Variants in CCDC73 observed in about 807,000 individuals in gnomAD.
CCDC73 encodes coiled-coil domain containing 73, also known as coiled-coil domain-containing protein 73.
In CCDC73, 95 loss-of-function variants were observed where a neutral mutation model predicts 116.5. The ratio of observed to expected loss-of-function variants is 0.82; its 90% CI spans 0.69 to 0.97. CCDC73 has a LOEUF of 0.97. CCDC73 is among the 50% of genes least tolerant of loss of function. The probability of loss-of-function intolerance (pLI) is 0.00; values close to 1 mark genes in which losing one functional copy is unlikely to be tolerated. For synonymous variants in CCDC73, 398 were observed against 401.3 expected (o/e 0.99, Z 0.10); for missense variants, 1,066 against 1,206.8 (o/e 0.88, Z 1.73).
intron 2 of CCDC73, among the ~76,000 whole-genome samples, chr11:32,732,133 G>A (rs1850084430): frequency 6.6e-6 from 1 of 152,224 alleles, no homozygotes; most frequent in African/African-American, 2.4e-5. Flanking sequence ...GCAAGCTTCA[G>A]TAGCTGATTC....
At chr11:32,603,638 C>T (rs1414585429) in intron 17 of CCDC73, 1 of 152,128 alleles carries the variant, frequency 6.6e-6, no homozygotes, top group Non-Finnish European at 1.5e-5. Flanking sequence ...CTGCAAAATA[C>T]TCCCTTTTAT....
intron 1 of CCDC73, among the ~76,000 whole-genome samples, chr11:32,763,782 G>C (rs1850414480): frequency 6.6e-6 from 1 of 152,262 alleles, no homozygotes. Flanking sequence ...TTGACGATTT[G>C]AGAGAAGAAG....
At chr11:32,697,481 C>CTT (rs771837421) in intron 6 of CCDC73, among the ~76,000 whole-genome samples, 11,564 of 108,746 alleles carry the variant, frequency 0.11, 1,101 homozygotes, top group Non-Finnish European at 0.15. Flanking sequence ...TCTCTTTATT[C>CTT]TTTTTTTTTT....
chr11:32,802,286 A>G, the CCDC73 span, among the ~76,000 whole-genome samples: 2 of 152,238 alleles, frequency 1.3e-5, no homozygotes, highest in African/African-American at 2.4e-5. Context: ...AAAAGTTACT[A>G]ATATCATGAA....
At chr11:32,733,213 A>G (rs921224757) in intron 2 of CCDC73, among the ~76,000 whole-genome samples, 1 of 152,352 alleles carries the variant, frequency 6.6e-6, no homozygotes, top group African/African-American at 2.4e-5. Context: ...CAACAAGAAG[A>G]GCTAACTATC....
chr11:32,776,932 AAAAAATATAT>A (rs1346872231), intron 1 of CCDC73, among the ~76,000 whole-genome samples: 1 of 27,974 alleles, frequency 3.6e-5, no homozygotes, highest in Non-Finnish European at 7.9e-5. Flanking sequence ...GGTTAAAAAA[AAAAAATATAT>A]ATATATATAT....
chr11:32,627,977 A>G (rs1273806356), intron 14 of CCDC73, among the ~76,000 whole-genome samples: 2 of 152,224 alleles, frequency 1.3e-5, no homozygotes, highest in East Asian at 3.8e-4. Context: ...TAATAAAAAA[A>G]TAAAAATATC....
At chr11:32,660,486 C>A (rs1280237446) in intron 9 of CCDC73, among the ~76,000 whole-genome samples, 4 of 151,832 alleles carry the variant, frequency 2.6e-5, no homozygotes, top group South Asian at 2.1e-4. Context: ...ATTTATTATA[C>A]ATATATAAAA....
intron 14 of CCDC73, among the ~76,000 whole-genome samples, chr11:32,629,223 A>AG (rs1376579099): frequency 6.6e-6 from 1 of 152,108 alleles, no homozygotes; most frequent in African/African-American, 2.4e-5. Flanking sequence ...CAGAAAGTAG[A>AG]GGGGGACAGA....
At chr11:32,657,978 C>A (rs1855889104) in intron 9 of CCDC73, among the ~76,000 whole-genome samples, 1 of 151,066 alleles carries the variant, frequency 6.6e-6, no homozygotes, top group Non-Finnish European at 1.5e-5. Flanking sequence ...CCCCCACCGC[C>A]CCCATCTCTT....
intron 6 of CCDC73, among the ~76,000 whole-genome samples, chr11:32,688,637 A>G (rs114030944): frequency 0.014 from 2,082 of 152,318 alleles, 56 homozygotes; most frequent in African/African-American, 0.047. Context: ...ATACTATGGT[A>G]ATGAGATGAT....
At chr11:32,696,542 T>C (rs1462067003) in intron 6 of CCDC73, among the ~76,000 whole-genome samples, 1 of 152,168 alleles carries the variant, frequency 6.6e-6, no homozygotes, top group Non-Finnish European at 1.5e-5. Flanking sequence ...TTCTCCTACC[T>C]CAGCCTCCTG....
chr11:32,810,344 C>T, the CCDC73 span, among the ~76,000 whole-genome samples: 1 of 152,168 alleles, frequency 6.6e-6, no homozygotes, highest in African/African-American at 2.4e-5. Context: ...TGACTACTTG[C>T]TTTTTGGTTG....
chr11:32,624,063 G>A (rs564077018), intron 14 of CCDC73, among the ~76,000 whole-genome samples: 1 of 152,006 alleles, frequency 6.6e-6, no homozygotes, highest in East Asian at 1.9e-4. Flanking sequence ...AGGGCCGGGC[G>A]CAGTGGCTCA....
chr11:32,758,044 T>C (rs1209365441), intron 2 of CCDC73, among the ~76,000 whole-genome samples: 1 of 152,138 alleles, frequency 6.6e-6, no homozygotes, highest in Non-Finnish European at 1.5e-5. Flanking sequence ...CCTACTAAAA[T>C]GTTGAGGGGG....
chr11:32,820,042 T>C, the CCDC73 span, among the ~76,000 whole-genome samples: 2 of 152,222 alleles, frequency 1.3e-5, no homozygotes, highest in Non-Finnish European at 2.9e-5. Flanking sequence ...GCTTTTGTAA[T>C]AGAAAATAAT....
Position 32,654,960 on chromosome 11 carries a change from CT to C in CCDC73, c.657del (p.Ala220GlnfsTer5), listed in dbSNP as rs749079180. Reference protein sequence around the residue: ...EICSLKKELKKAASDLIKSKV... With the variant: ...EICSLKKELKXAASDLIKSKV... ...TTGGACTTTATCAAGTCTGAGGCTG[CT>C]TTTTTTAGTTCCTTAATAAGAAACA... On this transcript the variant is annotated frameshift_variant, in exon 10 of 18. Transcript: ENST00000335185. LOFTEE classifies it high-confidence loss of function. 12 of 1,589,238 alleles carry C rather than the reference CT, an allele frequency of 7.6e-6. No homozygotes were observed. In the Admixed American group the frequency reaches 1.3e-4, roughly 18 times the overall value.
At chr11:32,672,938 TA>T (rs1328474587) in intron 9 of CCDC73, among the ~76,000 whole-genome samples, 1 of 152,160 alleles carries the variant, frequency 6.6e-6, no homozygotes, top group African/African-American at 2.4e-5. Context: ...ATAACCAATT[TA>T]TTGGCAGTTG....
intron 5 of CCDC73, among the ~76,000 whole-genome samples, chr11:32,699,768 A>G (rs376767652): frequency 1.3e-5 from 2 of 152,072 alleles, no homozygotes; most frequent in Non-Finnish European, 1.5e-5. Context: ...ATTAGGAGAT[A>G]TACCTAATGT....
Sources: gnomAD v4.1 joint callset for allele counts (sites outside exome capture counted in the v4.1 genomes callset) on GRCh38, gnomAD v4.1.1 for gene constraint, MANE v1.5 for transcripts, NCBI Gene and HGNC (gene_info 2026-07-23, HGNC 2026-07-21) for gene names.